GPATCH8: variants seen among roughly 807,000 people sequenced by gnomAD.
GPATCH8 encodes the protein G patch domain-containing protein 8.
GPATCH8 carries 18 observed loss-of-function variants against 118.3 expected under a neutral mutation model. The ratio of observed to expected loss-of-function variants is 0.15; its 90% CI spans 0.11 to 0.23. The LOEUF is 0.23. GPATCH8 is among the 10% of genes least tolerant of loss of function. GPATCH8 has a pLI of 1.00. For synonymous variants in GPATCH8, 659 were observed against 684.7 expected (o/e 0.96, Z 0.59); for missense variants, 1,631 against 1,873.8 (o/e 0.87, Z 2.39).
intron 5 of GPATCH8, among the ~76,000 whole-genome samples, chr17:44,426,604 A>AG (rs35324007): frequency 7.8e-5 from 2 of 25,586 alleles, no homozygotes; most frequent in South Asian, 1.4e-3. Flanking sequence ...ACCTTGTCTC[A>AG]AAAAAAAAAA....
Position 44,398,769 on chromosome 17 carries a change from T to A in GPATCH8, c.3308A>T (p.Glu1103Val). 1 of 1,613,842 alleles carries A rather than the reference T, an allele frequency of 6.2e-7. No homozygotes were observed. The highest frequency in any genetic ancestry group is 1.3e-5 in the African/African-American group (1 of 75,016). Residue 1103 changes from glutamate (E) to valine (V), a missense_variant, in exon 8 of 8, where the codon GAG becomes GTG. By Grantham distance (121) the Glu-to-Val change is moderately radical (BLOSUM62 -2). Coordinates refer to ENST00000591680, the MANE Select transcript of GPATCH8 (RefSeq NM_001002909.4). The stretch of plus-strand genomic sequence containing the variant: ...CTCCTCACTCACACTAGGTTTCCTC[T>A]CCACTTTCCTTGACTGGATCTTCTC... Reference protein sequence around the residue: ...LLEKIQSRKVERKPSVSEEVQ... With the variant: ...LLEKIQSRKVVRKPSVSEEVQ...
intron 3 of GPATCH8, among the ~76,000 whole-genome samples, chr17:44,447,966 G>T (rs1044631993): frequency 2.0e-5 from 3 of 152,012 alleles, no homozygotes; most frequent in African/African-American, 7.3e-5. Flanking sequence ...GTGAGACAGG[G>T]TCTCACTCAC....
At chr17:44,447,693 A>G (rs1316749933) in intron 3 of GPATCH8, among the ~76,000 whole-genome samples, 3 of 149,940 alleles carry the variant, frequency 2.0e-5, no homozygotes, top group Non-Finnish European at 4.4e-5. Context: ...TCACACAATC[A>G]TAGCTCACTT....
rs201935154 is a variant in GPATCH8 at position 44,399,428 on chromosome 17, A to G, written c.2649T>C (p.Tyr883=). 1.9e-6 allele frequency: 3 copies of G among 1,614,050 alleles called. No homozygotes were observed. Among genetic ancestry groups the G allele is most frequent in the African/African-American group, 1.3e-5 (1 of 75,028 alleles). Residue 883 remains tyrosine, a synonymous_variant, in exon 8 of 8, where the codon TAT becomes TAC. Transcript: ENST00000591680. Reference sequence around the variant, plus strand: ...CATCAGAGTAACTGCGCTGTCTACTATAGCAGCTCTGGTCTGAAGAGGCAT... The same window carrying G: ...CATCAGAGTAACTGCGCTGTCTACTGTAGCAGCTCTGGTCTGAAGAGGCAT... ...SSDASSDQSC[Y]SRQRSYSDDS... is the part of the protein sequence containing the mutation.
At chr17:44,483,176 A>AAATATATAT (rs1555646771) in intron 1 of GPATCH8, among the ~76,000 whole-genome samples, 1 of 12,952 alleles carries the variant, frequency 7.7e-5, no homozygotes, top group Non-Finnish European at 1.4e-4. Flanking sequence ...AAAAAAAAAA[A>AAATATATAT]ATATATATAT....
chr17:44,447,392 C>T (rs943470746), intron 3 of GPATCH8, among the ~76,000 whole-genome samples: 25 of 142,664 alleles, frequency 1.8e-4, no homozygotes, highest in Non-Finnish European at 3.1e-4. Context: ...TTCCTGACCT[C>T]GTGATCTGCC....
At chr17:44,436,150 C>G (rs1331367690) in intron 4 of GPATCH8, among the ~76,000 whole-genome samples, 1 of 149,338 alleles carries the variant, frequency 6.7e-6, no homozygotes, top group African/African-American at 2.5e-5. Context: ...AAGCTTTTAT[C>G]ACAGCAACAT....
At chr17:44,427,928 C>T (rs1489257621) in intron 5 of GPATCH8, among the ~76,000 whole-genome samples, 1 of 152,052 alleles carries the variant, frequency 6.6e-6, no homozygotes, top group East Asian at 1.9e-4. Context: ...TCCATCCATC[C>T]ATCCATGTAT....
chr17:44,407,196 G>A (rs1380307421), intron 6 of GPATCH8: 3 of 151,842 alleles, frequency 2.0e-5, no homozygotes, highest in African/African-American at 4.8e-5. Flanking sequence ...TACAGCTAAA[G>A]ACACTAGTAG....
At chr17:44,451,736 T>C (rs1231337808) in intron 3 of GPATCH8, among the ~76,000 whole-genome samples, 1 of 152,218 alleles carries the variant, frequency 6.6e-6, no homozygotes, top group Non-Finnish European at 1.5e-5. Context: ...ATACTCATCA[T>C]GAAGAATATA....
intron 5 of GPATCH8, among the ~76,000 whole-genome samples, chr17:44,431,175 A>G (rs2050298762): frequency 6.6e-6 from 1 of 151,000 alleles, no homozygotes; most frequent in South Asian, 2.1e-4. Flanking sequence ...GTTCTAGACC[A>G]GCCTGGCCAA....
chr17:44,499,818 A>G (rs925616069), intron 1 of GPATCH8, among the ~76,000 whole-genome samples: 2 of 152,126 alleles, frequency 1.3e-5, no homozygotes, highest in African/African-American at 2.4e-5. Flanking sequence ...TTGAGGCCAG[A>G]TTCTTAAAGG....
At chr17:44,498,077 A>G (rs1969804203) in intron 1 of GPATCH8, among the ~76,000 whole-genome samples, 1 of 152,220 alleles carries the variant, frequency 6.6e-6, no homozygotes, top group African/African-American at 2.4e-5. Flanking sequence ...TTACATATGT[A>G]TCTTGAAATA....
intron 3 of GPATCH8, among the ~76,000 whole-genome samples, chr17:44,458,123 C>T (rs560714260): frequency 1.9e-3 from 282 of 151,288 alleles, no homozygotes; most frequent in Non-Finnish European, 2.5e-3. Flanking sequence ...TGGTGGCATG[C>T]GCCTGTAGTC....
At chr17:44,434,847 A>C (rs535754527) in intron 5 of GPATCH8, among the ~76,000 whole-genome samples, 1 of 152,352 alleles carries the variant, frequency 6.6e-6, no homozygotes, top group South Asian at 2.1e-4. Context: ...TAATTCATGT[A>C]ATCTTTCTAA....
At position 44,399,365 on chromosome 17, in the gene GPATCH8, G is replaced by A. The variant is rs769651876; in HGVS notation, c.2712C>T (p.His904=). Reference sequence around the variant, plus strand: ...CATCTGAGTCATGGGAGCGCTTGGAGTGCCTTCGTGATCTGTCACTGTAGT... The same window carrying A: ...CATCTGAGTCATGGGAGCGCTTGGAATGCCTTCGTGATCTGTCACTGTAGT... The part of the protein sequence containing the change: ...YSDYSDRSRR[H]SKRSHDSDDS... Residue 904 remains histidine (H), a synonymous_variant, in exon 8 of 8, where the codon CAC becomes CAT. Coordinates refer to ENST00000591680, the MANE Select transcript of GPATCH8 (RefSeq NM_001002909.4). 8.5e-5 allele frequency: 138 copies of A among 1,614,062 alleles called. No individual in the cohort carries two copies. The highest frequency in any genetic ancestry group is 4.4e-4 in the South Asian group (40 of 91,088).
intron 3 of GPATCH8, among the ~76,000 whole-genome samples, chr17:44,454,615 G>C (rs1044325343): frequency 6.6e-6 from 1 of 151,992 alleles, no homozygotes; most frequent in African/African-American, 2.4e-5. Flanking sequence ...TTTTTGTAGA[G>C]ACAGGGTATG....
chr17:44,462,753 C>T (rs943711606), intron 3 of GPATCH8, among the ~76,000 whole-genome samples: 4 of 152,006 alleles, frequency 2.6e-5, no homozygotes, highest in East Asian at 1.9e-4. Context: ...GAGGCCGAGG[C>T]GGGCGGATCA....
At chr17:44,465,411 AAAC>A (rs1274724107) in intron 2 of GPATCH8, 1 of 152,214 alleles carries the variant, frequency 6.6e-6, no homozygotes, top group Non-Finnish European at 1.5e-5. Context: ...AAAATGCTAC[AAAC>A]AACAATTAAA....
Sources: allele counts gnomAD v4.1 joint callset (sites outside exome capture counted in the v4.1 genomes callset), GRCh38; gene constraint gnomAD v4.1.1; transcripts MANE v1.5; gene names NCBI Gene and HGNC (gene_info 2026-07-23, HGNC 2026-07-21).